Variants in LSM14A observed in about 807,000 individuals in gnomAD.
LSM14A encodes the protein protein LSM14 homolog A.
Under a neutral mutation model 52.4 loss-of-function variants are expected in LSM14A, and 14 were observed. The ratio of observed to expected loss-of-function variants is 0.27; its 90% CI spans 0.18 to 0.42. The LOEUF (loss-of-function observed/expected upper bound fraction) is 0.42, where lower values mean the gene tolerates loss of function less well. Ranked by LOEUF, LSM14A falls within the 10% of genes least tolerant of loss-of-function variation. LSM14A has a pLI of 1.00. For synonymous variants in LSM14A, 185 were observed against 200.3 expected (o/e 0.92, Z 0.64); for missense variants, 417 against 581.8 (o/e 0.72, Z 2.91).
intron 4 of LSM14A, among the ~76,000 whole-genome samples, chr19:34,210,473 T>C (rs2072057351): frequency 6.6e-6 from 1 of 152,200 alleles, no homozygotes; most frequent in South Asian, 2.1e-4. Context: ...GGTTTCGTGA[T>C]GTTGGCCAGG....
rs1467436623 is a variant in LSM14A at position 34,228,220 on chromosome 19, AT to A, written c.*835del. 1 of 152,602 alleles carries A rather than the reference AT, an allele frequency of 6.6e-6. No individual in the cohort carries two copies. The allele number at this position is 152,602 out of a possible 1,614,324, so 9.5% of individuals were successfully genotyped here. A position where few individuals can be genotyped will look rare whatever the true frequency, so the allele number is the denominator to read the frequency against. ...TTTAATGTTTGGAACATAAATGAAG[AT>A]TTGATACATTATTTCATTATCTAAA... On this transcript the variant is annotated 3_prime_UTR_variant, in exon 10 of 10. Coordinates refer to ENST00000544216, the MANE Select transcript of LSM14A (RefSeq NM_015578.4).
At chr19:34,220,609 C>T (rs2072992335) in intron 8 of LSM14A, among the ~76,000 whole-genome samples, 1 of 136,608 alleles carries the variant, frequency 7.3e-6, no homozygotes, top group Admixed American at 7.0e-5. Context: ...TTCTCCTGCC[C>T]AATCCAAATT....
chr19:34,191,424 G>A (rs2070376758), intron 1 of LSM14A, among the ~76,000 whole-genome samples: 1 of 151,964 alleles, frequency 6.6e-6, no homozygotes, highest in African/African-American at 2.4e-5. Flanking sequence ...TGAAGACCGT[G>A]TCCTCTTTGA....
intron 2 of LSM14A, among the ~76,000 whole-genome samples, chr19:34,195,794 A>G (rs994562997): frequency 2.0e-5 from 3 of 152,352 alleles, no homozygotes; most frequent in Middle Eastern, 3.4e-3. Flanking sequence ...TCTCCAGGAA[A>G]CCAGTTATTT....
At chr19:34,192,076 A>G (rs964089410) in intron 1 of LSM14A, among the ~76,000 whole-genome samples, 1 of 152,148 alleles carries the variant, frequency 6.6e-6, no homozygotes, top group Non-Finnish European at 1.5e-5. Context: ...TTCAGTTTCA[A>G]CTAACTCATT....
At chr19:34,220,993 CAT>C (rs1331980691) in intron 8 of LSM14A, among the ~76,000 whole-genome samples, 1 of 151,682 alleles carries the variant, frequency 6.6e-6, no homozygotes, top group Non-Finnish European at 1.5e-5. Context: ...TAATGTCAGT[CAT>C]GTGTTCACAT....
In LSM14A at chr19:34,227,681, G is replaced by T; in HGVS notation, c.*293G>T. 1.0e-5 allele frequency: 3 copies of T among 299,808 alleles called. No homozygotes were observed. Among genetic ancestry groups the T allele is most frequent in the Non-Finnish European group, 6.1e-6 (1 of 164,738 alleles). 18.6% of individuals were successfully genotyped at this position (299,808 alleles called of 1,614,324 possible). A position where few individuals can be genotyped will look rare whatever the true frequency, so the allele number is the denominator to read the frequency against. Reference sequence around the variant, plus strand: ...GCAGTACTTCAGTGGGACTTAACAAGTATTTTTTCATCACTGAAAGGTTTT... The same window carrying T: ...GCAGTACTTCAGTGGGACTTAACAATTATTTTTTCATCACTGAAAGGTTTT... On this transcript the variant is annotated 3_prime_UTR_variant, in exon 10 of 10. Coordinates refer to ENST00000544216, the MANE Select transcript of LSM14A (RefSeq NM_015578.4).
intron 4 of LSM14A, among the ~76,000 whole-genome samples, chr19:34,210,757 G>A (rs975628257): frequency 2.0e-5 from 3 of 147,656 alleles, no homozygotes; most frequent in Admixed American, 6.8e-5. Context: ...AGTTTTGTAG[G>A]GACGGGGTTT....
chr19:34,204,681 G>C (rs1411197506), intron 3 of LSM14A, among the ~76,000 whole-genome samples: 1 of 152,098 alleles, frequency 6.6e-6, no homozygotes, highest in Non-Finnish European at 1.5e-5. Flanking sequence ...TTCTGCTGCT[G>C]CACTCCAGGA....
chr19:34,194,890 T>C (rs1362102159), intron 2 of LSM14A, among the ~76,000 whole-genome samples: 1 of 152,218 alleles, frequency 6.6e-6, no homozygotes, highest in African/African-American at 2.4e-5. Flanking sequence ...ATAGCTAACA[T>C]TGAAGGCTAC....
chr19:34,187,495 G>A (rs914999299), intron 1 of LSM14A, among the ~76,000 whole-genome samples: 4 of 151,980 alleles, frequency 2.6e-5, no homozygotes, highest in African/African-American at 9.7e-5. Flanking sequence ...TCACCATGTT[G>A]GCTAGGCTGG....
At chr19:34,198,410 T>A (rs1208732686) in intron 3 of LSM14A, among the ~76,000 whole-genome samples, 1 of 148,576 alleles carries the variant, frequency 6.7e-6, no homozygotes, top group Non-Finnish European at 1.5e-5. Context: ...AGTCAGGAGT[T>A]CAAGACCAGC....
Position 34,221,529 on chromosome 19 carries a change from G to A in LSM14A, c.1159G>A (p.Glu387Lys), listed in dbSNP as rs1294937435. 6.2e-7 allele frequency: 1 copy of A among 1,613,912 alleles called. No individual in the cohort carries two copies. Among genetic ancestry groups the A allele is most frequent in the South Asian group, 1.1e-5 (1 of 91,066 alleles). The stretch of plus-strand genomic sequence containing the variant: ...TAGAGAACGGAGACCAACCTGGGCT[G>A]AAGAAAGAAGATTAAATGCTGAAAC... ...DNRERRPTWA[E>K]ERRLNAETFG... The change falls in exon 9 of 10, where the codon GAA (glutamate) becomes AAA (lysine). Residue 387 changes from glutamate to lysine, a missense_variant. By Grantham distance (56) the Glu-to-Lys change is moderately conservative (BLOSUM62 1). Coordinates refer to ENST00000544216, the MANE Select transcript of LSM14A (RefSeq NM_015578.4).
intron 3 of LSM14A, 90 bp from the exon 4 acceptor site, chr19:34,208,839 C>T: frequency 1.2e-6 from 1 of 821,400 alleles, no homozygotes; most frequent in East Asian, 2.8e-5. Context: ...TAGACAATTA[C>T]CATCATTAAA....
At chr19:34,184,986 T>C (rs2069783889) in intron 1 of LSM14A, among the ~76,000 whole-genome samples, 1 of 152,190 alleles carries the variant, frequency 6.6e-6, no homozygotes, top group South Asian at 2.1e-4. Context: ...GAGAGATCCT[T>C]TGTAAATGTG....
intron 4 of LSM14A, among the ~76,000 whole-genome samples, chr19:34,209,734 C>T (rs1310652505): frequency 6.6e-6 from 1 of 151,844 alleles, no homozygotes; most frequent in African/African-American, 2.4e-5. Flanking sequence ...ATGAGGTCTC[C>T]CTGTATTGCC....
chr19:34,197,257 A>G (rs1039760940), intron 3 of LSM14A, among the ~76,000 whole-genome samples: 4 of 151,590 alleles, frequency 2.6e-5, no homozygotes, highest in African/African-American at 9.7e-5. Context: ...CACCCAGCTA[A>G]TTTTTGTATT....
In LSM14A at chr19:34,215,178, C is replaced by G; in HGVS notation, c.593C>G (p.Ala198Gly). 6.2e-7 allele frequency: 1 copy of G among 1,614,004 alleles called. No homozygotes were observed. Among genetic ancestry groups the G allele is most frequent in the Non-Finnish European group, 8.5e-7 (1 of 1,179,974 alleles). ...AGAAAAAGCCCAACCATGGAACAAG[C>G]AGTGCAGACCGCCTCAGCCCACTTA... is the stretch of plus-strand genomic sequence containing the variant. ...PLRKSPTMEQ[A>G]VQTASAHLPA... The change falls in exon 5 of 10, where the codon GCA (alanine) becomes GGA (glycine). Residue 198 changes from alanine (A) to glycine (G), a missense_variant. This residue lies in a region of LSM14A where 357 missense variants were observed against 457.0 expected (regional missense o/e 0.78). Transcript: ENST00000544216.
intron 1 of LSM14A, among the ~76,000 whole-genome samples, chr19:34,182,575 T>C (rs937890238): frequency 1.1e-4 from 17 of 151,538 alleles, no homozygotes; most frequent in Admixed American, 2.0e-4. Flanking sequence ...CGGTGGCTCA[T>C]GCCTGTAATC....
Sources: allele counts gnomAD v4.1 joint callset (sites outside exome capture counted in the v4.1 genomes callset), GRCh38; gene constraint gnomAD v4.1.1; regional missense constraint gnomAD v4.1.1; transcripts MANE v1.5; gene names NCBI Gene and HGNC (gene_info 2026-07-23, HGNC 2026-07-21).